UBQLN1: variants seen among roughly 807,000 people sequenced by gnomAD.
UBQLN1 encodes ubiquilin-1.
Under a neutral mutation model 65.4 loss-of-function variants are expected in UBQLN1, and 13 were observed. That is an observed-to-expected ratio of 0.20 (90% CI 0.13 to 0.32). UBQLN1 has a LOEUF of 0.32. Ranked by LOEUF, UBQLN1 falls within the 10% of genes least tolerant of loss-of-function variation. The pLI is 1.00. For missense variants in UBQLN1, 561 were observed against 724.0 expected (o/e 0.77, Z 2.58); for synonymous variants, 267 against 247.8 (o/e 1.08, Z -0.73).
chr9:83,679,679 T>C lies in UBQLN1; in HGVS notation c.711+96A>G, dbSNP rs1831907850. The C allele has an allele frequency of 8.3e-6, 11 of 1,322,536 alleles. 1 individual carries two copies. The South Asian group carries it at 9.0e-5, about 11-fold the overall frequency. The allele number at this position is 1,322,536 out of a possible 1,614,324, so 81.9% of individuals were successfully genotyped here. A position where few individuals can be genotyped will look rare whatever the true frequency, so the allele number is the denominator to read the frequency against. On this transcript the variant is annotated intron_variant, in intron 4 of 10. Transcript: ENST00000376395. ...AAGATAAGGATTTCTCTCTTTAGCTTAACCATACATACAGGACAATCTCAT... is the reference window on the plus strand; with the variant it reads ...AAGATAAGGATTTCTCTCTTTAGCTCAACCATACATACAGGACAATCTCAT...
chr9:83,673,050 C>T (rs186913405), intron 6 of UBQLN1, among the ~76,000 whole-genome samples: 792 of 150,482 alleles, frequency 5.3e-3, no homozygotes, highest in Middle Eastern at 0.018. Flanking sequence ...GCCAACATGG[C>T]GAAACCCCGT....
chr9:83,677,902 T>C lies in UBQLN1; in HGVS notation c.930A>G (p.Gln310=), dbSNP rs745925260. The part of the protein sequence containing the change: ...VSNTSSGEGS[Q]PSRTENRDPL... ...GATCTCTATTTTCTGTACGGGAAGG[T>C]TGACTACCTTCACCAGAGGATGTAT... Residue 310 remains glutamine, a synonymous_variant, in exon 6 of 11, where the codon CAA becomes CAG. Coordinates refer to ENST00000376395, the MANE Select transcript of UBQLN1 (RefSeq NM_013438.5). 29 of 1,614,050 alleles carry C rather than the reference T, an allele frequency of 1.8e-5. No homozygotes were observed. The highest frequency in any genetic ancestry group is 5.0e-5 in the Admixed American group (3 of 59,990).
chr9:83,707,700 C>A lies in UBQLN1; in HGVS notation c.-21G>T, dbSNP rs1564176443. ...GCCATGGCTGTGGCGGCGGCGGCGG[C>A]GGTGACTCAGGCAAGCAGGAGGGAG... is the stretch of plus-strand genomic sequence containing the variant. On this transcript the variant is annotated 5_prime_UTR_variant, in exon 1 of 11. Transcript: ENST00000376395. 6.6e-7 allele frequency: 1 copy of A among 1,516,846 alleles called. No homozygotes were observed. The highest frequency in any genetic ancestry group is 2.2e-5 in the Admixed American group (1 of 44,654). The allele number at this position is 1,516,846 out of a possible 1,614,324, so 94.0% of individuals were successfully genotyped here.
At chr9:83,680,136 A>C in intron 3 of UBQLN1, 99 bp from the exon 4 acceptor site, 1 of 1,214,500 alleles carries the variant, frequency 8.2e-7, no homozygotes, top group Non-Finnish European at 1.1e-6. Context: ...TAGCTGACCC[A>C]ATAGTCTATT....
chr9:83,679,362 A>G (rs1366391447), intron 4 of UBQLN1, among the ~76,000 whole-genome samples: 1 of 152,202 alleles, frequency 6.6e-6, no homozygotes, highest in Non-Finnish European at 1.5e-5. Context: ...TGATTCTAGA[A>G]TCACAAATAA....
Position 83,707,810 on chromosome 9 carries a change from C to G in UBQLN1, c.-131G>C. 1 of 1,326,784 alleles carries G rather than the reference C, an allele frequency of 7.5e-7. No homozygotes were observed. The highest frequency in any genetic ancestry group is 9.8e-7 in the Non-Finnish European group (1 of 1,018,744). 82.2% of individuals were successfully genotyped at this position (1,326,784 alleles called of 1,614,324 possible). ...GCAGAGCACGCCGCCTCAGTAGCAA[C>G]GGGCGCAGGGCCACCGTAGCGGGTG... On this transcript the variant is annotated 5_prime_UTR_variant, in exon 1 of 11. Transcript: ENST00000376395.
At chr9:83,679,402 A>AT (rs1210744588) in intron 4 of UBQLN1, among the ~76,000 whole-genome samples, 1 of 152,160 alleles carries the variant, frequency 6.6e-6, no homozygotes, top group African/African-American at 2.4e-5. Flanking sequence ...AGTTGTTGCA[A>AT]TTTTGTATTC....
rs1295447851 is a variant in UBQLN1, at chr9:83,672,113, T to C, written c.1106-2786A>G. Among the ~76,000 whole-genome samples the C allele has an allele frequency of 4.6e-5, 7 of 152,338 alleles. No homozygotes were observed. The South Asian group carries it at 1.4e-3, about 32-fold the overall frequency. On this transcript the variant is annotated intron_variant, in intron 6 of 10. Coordinates refer to ENST00000376395, the MANE Select transcript of UBQLN1 (RefSeq NM_013438.5). Reference sequence around the variant, plus strand: ...CAGATTCCTTACCTCTCAGCTTTCATAGAATTAAAGAGAGTTAGGGCCTTG... The same window carrying C: ...CAGATTCCTTACCTCTCAGCTTTCACAGAATTAAAGAGAGTTAGGGCCTTG...
chr9:83,702,442 T>C (rs542176576), intron 1 of UBQLN1, among the ~76,000 whole-genome samples: 1 of 152,248 alleles, frequency 6.6e-6, no homozygotes, highest in South Asian at 2.1e-4. Flanking sequence ...CTCAGATATC[T>C]TGCTATACTG....
intron 2 of UBQLN1, 106 bp from the exon 3 acceptor site, chr9:83,683,172 G>A (rs564455407): frequency 1.6e-6 from 1 of 644,628 alleles, no homozygotes; most frequent in African/African-American, 1.9e-5. Flanking sequence ...CAGCACTTTG[G>A]GAGGCCGAAG....
At chr9:83,696,619 A>G (rs1832220215) in intron 1 of UBQLN1, among the ~76,000 whole-genome samples, 1 of 147,172 alleles carries the variant, frequency 6.8e-6, no homozygotes, top group East Asian at 2.0e-4. Flanking sequence ...AGGTTGGGTG[A>G]TAGAACAAGA....
rs1351090077 is a variant in UBQLN1, at chr9:83,707,600, G to A, written c.80C>T (p.Ala27Val). ...AAGAEGAGAP[A>V]AAASAEPKIM... Reference sequence around the variant, plus strand: ...TTTGGGCTCCGCGGAGGCAGCGGCCGCGGGGGCGCCAGCACCTTCGGCTCC... The same window carrying A: ...TTTGGGCTCCGCGGAGGCAGCGGCCACGGGGGCGCCAGCACCTTCGGCTCC... Residue 27 changes from alanine to valine, a missense_variant, in exon 1 of 11, where the codon GCG (alanine) becomes GTG (valine). Ala to Val is a moderately conservative substitution (Grantham distance 64). Around this residue, in one of 8 missense-constraint regions of UBQLN1, gnomAD observed 101 missense variants for 104.9 expected, o/e 0.96. Transcript: ENST00000376395. The A allele has an allele frequency of 1.5e-5, 24 of 1,599,686 alleles. No individual in the cohort carries two copies. Among genetic ancestry groups the A allele is most frequent in the African/African-American group, 2.7e-5 (2 of 74,238 alleles).
intron 1 of UBQLN1, among the ~76,000 whole-genome samples, chr9:83,707,056 A>G (rs1445784373): frequency 6.6e-6 from 1 of 152,172 alleles, no homozygotes; most frequent in Non-Finnish European, 1.5e-5. Context: ...CAGGCACGTA[A>G]AACAACGAGG....
At chr9:83,702,877 T>C (rs1013687954) in intron 1 of UBQLN1, among the ~76,000 whole-genome samples, 1 of 152,178 alleles carries the variant, frequency 6.6e-6, no homozygotes, top group Non-Finnish European at 1.5e-5. Context: ...TATGTCTAAG[T>C]ATATTAATAT....
chr9:83,679,664 T>G (rs1332969369), intron 4 of UBQLN1, 111 bp downstream of exon 4: 3 of 1,183,706 alleles, frequency 2.5e-6, no homozygotes, highest in Non-Finnish European at 3.5e-6. Context: ...AAGATAAGGA[T>G]TTCTCTCTTT....
chr9:83,684,662 T>C (rs1455826940), intron 2 of UBQLN1, among the ~76,000 whole-genome samples: 1 of 152,020 alleles, frequency 6.6e-6, no homozygotes, highest in Non-Finnish European at 1.5e-5. Flanking sequence ...AAATACAAAA[T>C]TAGCCGGGCG....
At chr9:83,674,242 A>G (rs1224871941) in intron 6 of UBQLN1, among the ~76,000 whole-genome samples, 8 of 152,016 alleles carry the variant, frequency 5.3e-5, no homozygotes, top group African/African-American at 1.7e-4. Context: ...AAAAAGGAAG[A>G]AGGAGAGTTA....
intron 6 of UBQLN1, among the ~76,000 whole-genome samples, chr9:83,673,545 TTAAA>T (rs1419625574): frequency 1.5e-5 from 1 of 67,990 alleles, no homozygotes; most frequent in African/African-American, 7.3e-5. Flanking sequence ...ACTCGGTCTT[TTAAA>T]AAAAAAAAAA....
intron 4 of UBQLN1, 64 bp from the exon 5 acceptor site, chr9:83,678,663 A>G: frequency 6.7e-7 from 1 of 1,487,570 alleles, no homozygotes. Flanking sequence ...AATTACATTA[A>G]TTACTTTATT....
Sources: allele counts gnomAD v4.1 joint callset (sites outside exome capture counted in the v4.1 genomes callset), GRCh38; gene constraint gnomAD v4.1.1; regional missense constraint gnomAD v4.1.1; transcripts MANE v1.5; gene names NCBI Gene and HGNC (gene_info 2026-07-23, HGNC 2026-07-21).